Variants in PTGER4 observed in about 807,000 individuals in gnomAD.
PTGER4 encodes prostaglandin E2 receptor EP4 subtype.
A neutral mutation model predicts 33.2 loss-of-function variants in PTGER4; 11 were observed. The ratio of observed to expected loss-of-function variants is 0.33; its 90% confidence interval spans 0.21 to 0.55. The LOEUF (loss-of-function observed/expected upper bound fraction) is 0.55, where lower values mean the gene tolerates loss of function less well. Ranked by LOEUF, PTGER4 falls within the 20% of genes least tolerant of loss-of-function variation. The pLI is 0.92. For missense variants in PTGER4, 481 were observed against 650.2 expected (o/e 0.74, Z 2.83); for synonymous variants, 275 against 281.5 (o/e 0.98, Z 0.23).
the PTGER4 span, among the ~76,000 whole-genome samples, chr5:40,702,239 TA>T: frequency 6.6e-6 from 1 of 152,098 alleles, no homozygotes; most frequent in African/African-American, 2.4e-5. Context: ...GCAAGCTGGA[TA>T]AAAAAGCAAG....
At position 40,692,215 on chromosome 5, in the gene PTGER4, G is replaced by A. The variant is rs138674524; in HGVS notation, c.1304G>A (p.Arg435Gln). The A allele has an allele frequency of 4.3e-5, 69 of 1,614,196 alleles. No individual in the cohort carries two copies. In the African/African-American group the frequency reaches 7.6e-4, roughly 18 times the overall value. The change falls in exon 3 of 3, where the codon CGA becomes CAA. Residue 435 changes from arginine (R) to glutamine (Q), a missense_variant. Arg to Gln is a conservative substitution (Grantham distance 43). This residue lies in a region of PTGER4 where 172 missense variants were observed against 199.2 expected (regional missense o/e 0.86). Transcript: ENST00000302472. ...QEDTTSLRTL[R>Q]ISETSDSSQG... ...GACACCACCTCACTGAGGACTTTGC[G>A]AATATCAGAGACCTCAGACTCTTCA...
At chr5:40,720,551 G>A in the PTGER4 span, among the ~76,000 whole-genome samples, 46 of 152,202 alleles carry the variant, frequency 3.0e-4, no homozygotes, top group Non-Finnish European at 4.9e-4. Flanking sequence ...TCTCCCAAGG[G>A]CACTCCTCTT....
chr5:40,746,769 T>C, the PTGER4 span: 1 of 1,538,014 alleles, frequency 6.5e-7, no homozygotes, highest in Non-Finnish European at 8.9e-7. Flanking sequence ...TAAGCTCTTC[T>C]CCATAAAAAA....
In PTGER4 at chr5:40,691,700, T is replaced by C; in HGVS notation, c.868-79T>C. The C allele has an allele frequency of 6.7e-7, 1 of 1,502,468 alleles. No homozygotes were observed. The highest frequency in any genetic ancestry group is 8.9e-7 in the Non-Finnish European group (1 of 1,117,560). 93.1% of individuals were successfully genotyped at this position (1,502,468 alleles called of 1,614,324 possible). A position where few individuals can be genotyped will look rare whatever the true frequency, so the allele number is the denominator to read the frequency against. Reference sequence around the variant, plus strand: ...AGAAATGAAGGCAGCTTCCTAATATTGATAAGGTAGACATAGCATTTATAT... The same window carrying C: ...AGAAATGAAGGCAGCTTCCTAATATCGATAAGGTAGACATAGCATTTATAT... On this transcript the variant is annotated intron_variant, in intron 2 of 2. Transcript: ENST00000302472. This position sits in a 1 kb window ranked among gnomAD's most constrained non-coding sequence, Gnocchi z 4.2.
chr5:40,710,714 T>C, the PTGER4 span, among the ~76,000 whole-genome samples: 1 of 152,176 alleles, frequency 6.6e-6, no homozygotes, highest in Non-Finnish European at 1.5e-5. Flanking sequence ...TAAGAAAATG[T>C]GGCACATATA....
chr5:40,738,547 T>TAAAATAA, the PTGER4 span, among the ~76,000 whole-genome samples: 10 of 125,130 alleles, frequency 8.0e-5, no homozygotes, highest in African/African-American at 3.0e-4. Context: ...TACAATAAAA[T>TAAAATAA]AAAATAAAAT....
At position 40,683,709 on chromosome 5, in the gene PTGER4, A is replaced by G. The variant is rs1741253105; in HGVS notation, c.867+1849A>G. 6.6e-6 allele frequency among the ~76,000 whole-genome samples: 1 copy of G among 152,198 alleles called. No homozygotes were observed. Among genetic ancestry groups the G allele is most frequent in the Admixed American group, 6.5e-5 (1 of 15,278 alleles). Reference sequence around the variant, plus strand: ...AATTATTTTCTTCCAACATCTAGAGAGACATACAAGGCTTAATTCACCTCA... The same window carrying G: ...AATTATTTTCTTCCAACATCTAGAGGGACATACAAGGCTTAATTCACCTCA... On this transcript the variant is annotated intron_variant, in intron 2 of 2. Transcript: ENST00000302472. This position sits in a 1 kb window ranked among gnomAD's most constrained non-coding sequence, Gnocchi z 4.2.
the PTGER4 span, among the ~76,000 whole-genome samples, chr5:40,723,452 A>T: frequency 3.3e-5 from 5 of 152,328 alleles, no homozygotes; most frequent in Admixed American, 3.3e-4. Flanking sequence ...AAATTTAAAA[A>T]AATTTCAATT....
At chr5:40,722,708 G>C in the PTGER4 span, among the ~76,000 whole-genome samples, 1 of 151,542 alleles carries the variant, frequency 6.6e-6, no homozygotes, top group African/African-American at 2.4e-5. Context: ...GTCTCCGCCC[G>C]GCCAGCGCCC....
At chr5:40,746,674 A>C in the PTGER4 span, 1 of 743,352 alleles carries the variant, frequency 1.3e-6, no homozygotes, top group East Asian at 2.9e-5. Context: ...TCTTTGATTA[A>C]TTTAGCACCT....
the PTGER4 span, among the ~76,000 whole-genome samples, chr5:40,721,450 CA>C: frequency 1.3e-5 from 2 of 152,070 alleles, no homozygotes; most frequent in Non-Finnish European, 2.9e-5. Context: ...CAAATAAATC[CA>C]CACCCAACAT....
At chr5:40,723,883 A>C in the PTGER4 span, among the ~76,000 whole-genome samples, 1 of 152,182 alleles carries the variant, frequency 6.6e-6, no homozygotes, top group Non-Finnish European at 1.5e-5. Context: ...ACAAACAAAC[A>C]AAAAGGCAAG....
At chr5:40,734,291 A>G in the PTGER4 span, among the ~76,000 whole-genome samples, 1 of 130,958 alleles carries the variant, frequency 7.6e-6, no homozygotes, top group Non-Finnish European at 1.6e-5. Context: ...TTTCTGCAGC[A>G]TATCTCTTAA....
chr5:40,684,126 C>A (rs1428420707), intron 2 of PTGER4, among the ~76,000 whole-genome samples: 1 of 25,856 alleles, frequency 3.9e-5, no homozygotes, highest in East Asian at 7.8e-4. Flanking sequence ...ACCCACCCAC[C>A]CCCCCCCCCA....
Position 40,692,598 on chromosome 5 carries a change from G to T in PTGER4, c.*220G>T. ...CGGATGCTACCCCACTATGACAGAG[G>T]ATTGTGGTCACAACTTGATGGCTGC... On this transcript the variant is annotated 3_prime_UTR_variant, in exon 3 of 3. Transcript: ENST00000302472. The T allele has an allele frequency of 7.6e-7, 1 of 1,308,862 alleles. No individual in the cohort carries two copies. Among genetic ancestry groups the T allele is most frequent in the Non-Finnish European group, 9.7e-7 (1 of 1,028,938 alleles). 81.1% of individuals were successfully genotyped at this position (1,308,862 alleles called of 1,614,324 possible).
chr5:40,736,431 A>T, the PTGER4 span, among the ~76,000 whole-genome samples: 1 of 152,218 alleles, frequency 6.6e-6, no homozygotes, highest in African/African-American at 2.4e-5. Flanking sequence ...CATACAACTG[A>T]TTCTAACAGA....
chr5:40,717,063 T>C, the PTGER4 span, among the ~76,000 whole-genome samples: 2 of 152,052 alleles, frequency 1.3e-5, no homozygotes, highest in Non-Finnish European at 2.9e-5. Context: ...ACCCTGTCTC[T>C]ACTAAAAATA....
the PTGER4 span, among the ~76,000 whole-genome samples, chr5:40,703,830 G>A: frequency 7.1e-6 from 1 of 140,862 alleles, no homozygotes; most frequent in Middle Eastern, 3.9e-3. Context: ...TTGAACCCGG[G>A]AAGCGGAGGT....
chr5:40,709,119 G>C, the PTGER4 span, among the ~76,000 whole-genome samples: 3 of 152,268 alleles, frequency 2.0e-5, no homozygotes, highest in African/African-American at 7.2e-5. Flanking sequence ...TTGAAAACTG[G>C]AACAAGACAG....
Sources: allele counts gnomAD v4.1 joint callset (sites outside exome capture counted in the v4.1 genomes callset), GRCh38; gene constraint gnomAD v4.1.1; regional missense constraint gnomAD v4.1.1; non-coding constraint Gnocchi (gnomAD v3.1); transcripts MANE v1.5; gene names NCBI Gene and HGNC (gene_info 2026-07-23, HGNC 2026-07-21).